MINPP1: variants seen among roughly 807,000 people sequenced by gnomAD.
The protein encoded by MINPP1 is multiple inositol polyphosphate phosphatase 1.
In MINPP1, 28 loss-of-function variants were observed where a neutral mutation model predicts 46.1. The ratio of observed to expected loss-of-function variants is 0.61; its 90% CI spans 0.45 to 0.83. The LOEUF is 0.83. MINPP1 is among the 40% of genes least tolerant of loss of function. The pLI is 0.00. For synonymous variants in MINPP1, 268 were observed against 249.1 expected (o/e 1.08, Z -0.72); for missense variants, 603 against 610.0 (o/e 0.99, Z 0.12).
At chr10:87,512,259 A>C (rs1303925231) in intron 2 of MINPP1, among the ~76,000 whole-genome samples, 1 of 152,240 alleles carries the variant, frequency 6.6e-6, no homozygotes, top group Non-Finnish European at 1.5e-5. Flanking sequence ...AAGTAATGTA[A>C]TCAGCAAATT....
chr10:87,521,057 C>T lies in MINPP1; in HGVS notation c.955C>T (p.Leu319=), dbSNP rs1400924310. 3.3e-6 allele frequency: 4 copies of T among 1,217,236 alleles called. No homozygotes were observed. In the African/African-American group the frequency reaches 5.9e-5, roughly 18 times the overall value. 75.4% of individuals were successfully genotyped at this position (1,217,236 alleles called of 1,614,324 possible). A position where few individuals can be genotyped will look rare whatever the true frequency, so the allele number is the denominator to read the frequency against. Residue 319 remains leucine, a synonymous_variant, in exon 4 of 5, where the codon CTG becomes TTG. Coordinates refer to ENST00000371996, the MANE Select transcript of MINPP1 (RefSeq NM_004897.5). The stretch of plus-strand genomic sequence containing the variant: ...TTAGGTATTAGAATATTTAAATGAT[C>T]TGAAACAATATTGGAAAAGAGGATA... ...DAKVLEYLND[L]KQYWKRGYGY...
intron 4 of MINPP1, among the ~76,000 whole-genome samples, chr10:87,551,565 T>G (rs1851963166): frequency 6.6e-6 from 1 of 152,076 alleles, no homozygotes; most frequent in Non-Finnish European, 1.5e-5. Context: ...TTTTTTGGGT[T>G]TTGTAAACCA....
At chr10:87,522,280 C>T (rs1252806711) in intron 4 of MINPP1, among the ~76,000 whole-genome samples, 1 of 151,992 alleles carries the variant, frequency 6.6e-6, no homozygotes, top group African/African-American at 2.4e-5. Flanking sequence ...GACATAATTA[C>T]TGAAAATGTT....
Position 87,552,142 on chromosome 10 carries a change from A to G in MINPP1, c.1128A>G (p.Pro376=), listed in dbSNP as rs752264747. 1 of 1,613,572 alleles carries G rather than the reference A, an allele frequency of 6.2e-7. No homozygotes were observed. Among genetic ancestry groups the G allele is most frequent in the East Asian group, 2.2e-5 (1 of 44,858 alleles). The change falls in exon 5 of 5, where the codon CCA becomes CCG. Residue 376 remains proline, a synonymous_variant. Coordinates refer to ENST00000371996, the MANE Select transcript of MINPP1 (RefSeq NM_004897.5). ...LQFGHAETLL[P]LLSLMGYFKD... ...TTGGTCATGCAGAGACTCTTCTTCC[A>G]CTGCTTTCTCTCATGGGCTACTTCA...
chr10:87,552,855 G>T lies in MINPP1; in HGVS notation c.*377G>T. The T allele has an allele frequency of 4.6e-6, 1 of 217,336 alleles. No homozygotes were observed. Among genetic ancestry groups the T allele is most frequent in the East Asian group, 1.2e-4 (1 of 8,424 alleles). The allele number at this position is 217,336 out of a possible 1,614,324, so 13.5% of individuals were successfully genotyped here. A position where few individuals can be genotyped will look rare whatever the true frequency, so the allele number is the denominator to read the frequency against. On this transcript the variant is annotated 3_prime_UTR_variant, in exon 5 of 5. Coordinates refer to ENST00000371996, the MANE Select transcript of MINPP1 (RefSeq NM_004897.5). ...GGACCATCCTTAACTTGATTGAACTGTCTAGGAACTTTACAGATTGTTCTG... is the reference window on the plus strand; with the variant it reads ...GGACCATCCTTAACTTGATTGAACTTTCTAGGAACTTTACAGATTGTTCTG...
At chr10:87,517,764 C>T (rs74351544) in intron 3 of MINPP1, among the ~76,000 whole-genome samples, 2,130 of 152,206 alleles carry the variant, frequency 0.014, 58 homozygotes, top group African/African-American at 0.048. Context: ...GTAGAATTAT[C>T]GATTCTCATG....
At chr10:87,535,419 C>G (rs1279072640) in intron 4 of MINPP1, among the ~76,000 whole-genome samples, 2 of 152,262 alleles carry the variant, frequency 1.3e-5, no homozygotes, top group East Asian at 3.9e-4. Flanking sequence ...TTAATACCAT[C>G]ATGACAATCA....
chr10:87,542,024 T>C (rs1851822064), intron 4 of MINPP1, among the ~76,000 whole-genome samples: 1 of 152,196 alleles, frequency 6.6e-6, no homozygotes, highest in Admixed American at 6.5e-5. Context: ...AATACAGTCA[T>C]GCCTTCACAA....
At chr10:87,534,860 C>T (rs1227861451) in intron 4 of MINPP1, among the ~76,000 whole-genome samples, 4 of 152,198 alleles carry the variant, frequency 2.6e-5, no homozygotes, top group Non-Finnish European at 5.9e-5. Flanking sequence ...GCTTCTACCA[C>T]CTAAGAGGTT....
chr10:87,543,538 C>G (rs1056155142), intron 4 of MINPP1, among the ~76,000 whole-genome samples: 2 of 152,014 alleles, frequency 1.3e-5, no homozygotes, highest in African/African-American at 4.8e-5. Flanking sequence ...GCCTGTAGTC[C>G]CAGCTACTCA....
intron 4 of MINPP1, among the ~76,000 whole-genome samples, chr10:87,535,197 A>G (rs190932184): frequency 6.6e-6 from 1 of 152,364 alleles, no homozygotes; most frequent in African/African-American, 2.4e-5. Context: ...TTGCATTGGC[A>G]TAGGATTATT....
chr10:87,531,171 C>T (rs1385050245), intron 4 of MINPP1, among the ~76,000 whole-genome samples: 2 of 152,210 alleles, frequency 1.3e-5, no homozygotes, highest in Non-Finnish European at 2.9e-5. Flanking sequence ...GATGCCCCGT[C>T]CTGCTTTGTC....
At chr10:87,540,682 C>T (rs1379127873) in intron 4 of MINPP1, among the ~76,000 whole-genome samples, 1 of 152,130 alleles carries the variant, frequency 6.6e-6, no homozygotes, top group Non-Finnish European at 1.5e-5. Context: ...TTGGTGTATT[C>T]AAAGAGAAAC....
At chr10:87,514,292 T>C (rs1851379695) in intron 3 of MINPP1, among the ~76,000 whole-genome samples, 1 of 152,230 alleles carries the variant, frequency 6.6e-6, no homozygotes, top group Non-Finnish European at 1.5e-5. Context: ...AGAACATTCT[T>C]TTGTATAACC....
chr10:87,544,632 G>A (rs1315490663), intron 4 of MINPP1, among the ~76,000 whole-genome samples: 1 of 152,114 alleles, frequency 6.6e-6, no homozygotes, highest in African/African-American at 2.4e-5. Context: ...TTTGTACCAG[G>A]AAACAGGAAC....
At chr10:87,535,963 A>C (rs1034847242) in intron 4 of MINPP1, among the ~76,000 whole-genome samples, 1 of 151,966 alleles carries the variant, frequency 6.6e-6, no homozygotes, top group Admixed American at 6.6e-5. Context: ...GATTGTTCCT[A>C]TTTCTGCTTT....
intron 4 of MINPP1, among the ~76,000 whole-genome samples, chr10:87,528,575 A>G (rs994953756): frequency 6.6e-6 from 1 of 152,174 alleles, no homozygotes; most frequent in African/African-American, 2.4e-5. Flanking sequence ...TCTGAGAGAC[A>G]GTTTGTTATA....
intron 4 of MINPP1, among the ~76,000 whole-genome samples, chr10:87,536,272 TGA>T (rs1851734127): frequency 6.6e-6 from 1 of 152,192 alleles, no homozygotes; most frequent in Non-Finnish European, 1.5e-5. Context: ...ACAAAATTAC[TGA>T]GAGAGAATTA....
intron 2 of MINPP1, among the ~76,000 whole-genome samples, chr10:87,510,162 G>T (rs1443099213): frequency 6.6e-6 from 1 of 152,150 alleles, no homozygotes; most frequent in African/African-American, 2.4e-5. Context: ...TGTCTTATAG[G>T]ATTATTGCAA....
Sources: gnomAD v4.1 joint callset for allele counts (sites outside exome capture counted in the v4.1 genomes callset) on GRCh38, gnomAD v4.1.1 for gene constraint, MANE v1.5 for transcripts, NCBI Gene and HGNC (gene_info 2026-07-23, HGNC 2026-07-21) for gene names.